The following WWP2 variants were observed in gnomAD, a reference collection of about 807,000 sequenced individuals.
The protein encoded by WWP2 is WW domain containing E3 ubiquitin protein ligase 2.
WWP2 carries 57 observed loss-of-function variants against 121.0 expected under a neutral mutation model. That is an observed-to-expected ratio of 0.47 (90% CI 0.38 to 0.59). The LOEUF (loss-of-function observed/expected upper bound fraction) is 0.59. Ranked by LOEUF, WWP2 falls within the 20% of genes least tolerant of loss-of-function variation. The probability of loss-of-function intolerance (pLI) is 0.00; values close to 1 mark genes in which losing one functional copy is unlikely to be tolerated. For synonymous variants in WWP2, 449 were observed against 441.3 expected (o/e 1.02, Z -0.22); for missense variants, 962 against 1,158.9 (o/e 0.83, Z 2.47).
chr16:69,870,968 A>G (rs1160282096), intron 6 of WWP2, among the ~76,000 whole-genome samples: 4 of 152,066 alleles, frequency 2.6e-5, no homozygotes, highest in Admixed American at 1.3e-4. Context: ...ACTTGGATGG[A>G]TTGTTGAGTC....
intron 7 of WWP2, among the ~76,000 whole-genome samples, chr16:69,885,491 CCTGTTT>C (rs2057908082): frequency 6.6e-6 from 1 of 152,308 alleles, no homozygotes; most frequent in Admixed American, 6.5e-5. Flanking sequence ...CAGGCTCTTA[CCTGTTT>C]GTTAAGATCT....
chr16:69,824,306 T>TG (rs2056644502), intron 4 of WWP2, among the ~76,000 whole-genome samples: 1 of 152,156 alleles, frequency 6.6e-6, no homozygotes, highest in Admixed American at 6.6e-5. Flanking sequence ...TTATTCTTTG[T>TG]GGGAGAGTGG....
rs754845564 is a variant in WWP2 at position 69,930,155 on chromosome 16, C to A, written c.1342C>A (p.Pro448Thr). The A allele has an allele frequency of 1.2e-6, 2 of 1,614,068 alleles. No homozygotes were observed. Among genetic ancestry groups the A allele is most frequent in the Non-Finnish European group, 8.5e-7 (1 of 1,179,976 alleles). The change falls in exon 13 of 24, where the codon CCA becomes ACA. Residue 448 changes from proline to threonine, a missense_variant. Physicochemically the swap from Pro to Thr is conservative, Grantham distance 38 (BLOSUM62 -1). This residue lies in a region of WWP2 where 606 missense variants were observed against 772.6 expected (regional missense o/e 0.78). Coordinates refer to ENST00000359154, the MANE Select transcript of WWP2 (RefSeq NM_001270454.2). ...QGMIQEPALP[P>T]GWEMKYTSEG... ...GATGATCCAGGAACCAGCTCTGCCCCCAGGATGGGAGATGAAATACACCAG... is the reference window on the plus strand; with the variant it reads ...GATGATCCAGGAACCAGCTCTGCCCACAGGATGGGAGATGAAATACACCAG...
chr16:69,923,321 G>GA, intron 10 of WWP2, among the ~76,000 whole-genome samples: 1 of 49,014 alleles, frequency 2.0e-5, no homozygotes, highest in Admixed American at 2.6e-4. Context: ...TTGGGGGGGT[G>GA]GGGGGGGTGC....
intron 15 of WWP2, 26 bp from the exon 16 acceptor site, chr16:69,931,776 G>A (rs2058718573): frequency 1.2e-6 from 2 of 1,612,506 alleles, no homozygotes; most frequent in Middle Eastern, 1.7e-4. Flanking sequence ...AGAGTGGCAG[G>A]CTGGCCCGAT....
chr16:69,939,223 G>C (rs1805399911), intron 22 of WWP2, 100 bp downstream of exon 22: 19 of 1,556,830 alleles, frequency 1.2e-5, no homozygotes, highest in Non-Finnish European at 1.6e-5. Context: ...CAGTGGGATG[G>C]AGAAGAGCTG....
chr16:69,846,049 CAAAAAAAAA>C lies in WWP2; in HGVS notation c.575+3942_575+3950del, dbSNP rs57201672. On this transcript the variant is annotated intron_variant, in intron 6 of 23. Coordinates refer to ENST00000359154, the MANE Select transcript of WWP2 (RefSeq NM_001270454.2). ...TGGGTGACAGAGCCAGACTCCATCT[CAAAAAAAAA>C]AAAAAAAAAAAAGAATACTTATCTG... Among the ~76,000 whole-genome samples the C allele has an allele frequency of 1.1e-4, 5 of 45,596 alleles. 1 individual carries two copies. In the East Asian group the frequency reaches 3.0e-3, roughly 28 times the overall value. The allele number at this position is 45,596 out of a possible 152,430, so 29.9% of individuals were successfully genotyped here. A position where few individuals can be genotyped will look rare whatever the true frequency, so the allele number is the denominator to read the frequency against.
chr16:69,920,300 C>G (rs1283411335), intron 10 of WWP2, among the ~76,000 whole-genome samples: 1 of 152,130 alleles, frequency 6.6e-6, no homozygotes, highest in Non-Finnish European at 1.5e-5. Context: ...CAGCCAGGGC[C>G]CCGCTGTCTA....
At chr16:69,924,171 G>A (rs1261865274) in intron 10 of WWP2, among the ~76,000 whole-genome samples, 1 of 152,164 alleles carries the variant, frequency 6.6e-6, no homozygotes, top group East Asian at 1.9e-4. Flanking sequence ...CTTGGAAGAG[G>A]GGCCTGTGTT....
chr16:69,911,224 G>C (rs1469499502), intron 9 of WWP2, among the ~76,000 whole-genome samples: 1 of 152,240 alleles, frequency 6.6e-6, no homozygotes, highest in African/African-American at 2.4e-5. Flanking sequence ...AAACTTGTAT[G>C]AGAATGGGTC....
At chr16:69,829,747 C>T (rs879277774) in intron 4 of WWP2, among the ~76,000 whole-genome samples, 1 of 152,172 alleles carries the variant, frequency 6.6e-6, no homozygotes, top group Non-Finnish European at 1.5e-5. Flanking sequence ...TTCCTTGTTA[C>T]TTCCACTTCT....
intron 10 of WWP2, 51 bp downstream of exon 10, chr16:69,917,934 GAA>G: frequency 6.5e-7 from 1 of 1,535,044 alleles, no homozygotes; most frequent in African/African-American, 1.6e-5. Flanking sequence ...CTGCGCTTGC[GAA>G]TGTGCAGCCA....
chr16:69,937,056 G>A lies in WWP2; in HGVS notation c.2118-62G>A. 1.3e-6 allele frequency: 2 copies of A among 1,584,830 alleles called. No individual in the cohort carries two copies. The highest frequency in any genetic ancestry group is 1.7e-6 in the Non-Finnish European group (2 of 1,162,754). On this transcript the variant is annotated intron_variant, in intron 19 of 23. Transcript: ENST00000359154. This position sits in a 1 kb window ranked among gnomAD's most constrained non-coding sequence, Gnocchi z 6.6. ...TGCGCGGTAACGGCCACGCGGCCTGGCCGGGAGCCACCCCTGAGCAGTGGG... is the reference window on the plus strand; with the variant it reads ...TGCGCGGTAACGGCCACGCGGCCTGACCGGGAGCCACCCCTGAGCAGTGGG...
intron 6 of WWP2, among the ~76,000 whole-genome samples, chr16:69,856,318 A>C (rs2057311753): frequency 6.6e-6 from 1 of 152,182 alleles, no homozygotes; most frequent in Non-Finnish European, 1.5e-5. Flanking sequence ...GATTGACTGC[A>C]AAGGGGCACA....
chr16:69,873,448 C>T (rs1272418517), intron 7 of WWP2, among the ~76,000 whole-genome samples: 1 of 152,168 alleles, frequency 6.6e-6, no homozygotes, highest in African/African-American at 2.4e-5. Flanking sequence ...ACTAGCCCAC[C>T]CTGAGCCTTG....
At chr16:69,790,574 CT>C (rs201194810) in intron 2 of WWP2, among the ~76,000 whole-genome samples, 5 of 151,182 alleles carry the variant, frequency 3.3e-5, no homozygotes, top group South Asian at 2.1e-4. Context: ...TGTTTAGCAT[CT>C]TTTTTTTTGT....
At chr16:69,791,156 T>G (rs2055901115) in intron 2 of WWP2, among the ~76,000 whole-genome samples, 1 of 152,160 alleles carries the variant, frequency 6.6e-6, no homozygotes. Context: ...CTATTGGACC[T>G]GGTAACATCC....
intron 7 of WWP2, among the ~76,000 whole-genome samples, chr16:69,882,556 A>G (rs929639034): frequency 6.6e-6 from 1 of 152,198 alleles, no homozygotes; most frequent in African/African-American, 2.4e-5. Flanking sequence ...AGCAAAGTCA[A>G]AACAGCATGT....
intron 5 of WWP2, among the ~76,000 whole-genome samples, chr16:69,840,917 T>A (rs2056965891): frequency 6.6e-6 from 1 of 152,182 alleles, no homozygotes. Context: ...TTCTGTAGCT[T>A]CAAAGGGGTG....
Sources: gnomAD v4.1 joint callset for allele counts (sites outside exome capture counted in the v4.1 genomes callset) on GRCh38, gnomAD v4.1.1 for gene constraint, gnomAD v4.1.1 regional missense constraint, Gnocchi (gnomAD v3.1) non-coding constraint, MANE v1.5 for transcripts, NCBI Gene and HGNC (gene_info 2026-07-23, HGNC 2026-07-21) for gene names.